LMLN: variants seen among roughly 807,000 people sequenced by gnomAD.
LMLN encodes the protein leishmanolysin like peptidase.
LMLN carries 70 observed loss-of-function variants against 92.3 expected under a neutral mutation model. The observed-to-expected ratio is 0.76, with a 90% CI of 0.63 to 0.92. The LOEUF is 0.92. LMLN is among the 40% of genes least tolerant of loss of function. LMLN has a pLI of 0.00. For synonymous variants in LMLN, 308 were observed against 296.2 expected, an observed-to-expected ratio of 1.04 and a Z score of -0.41; for missense variants, 691 against 814.6, an observed-to-expected ratio of 0.85 and a Z score of 1.85.
At chr3:197,984,635 G>T (rs564055291) in intron 7 of LMLN, among the ~76,000 whole-genome samples, 1 of 151,240 alleles carries the variant, frequency 6.6e-6, no homozygotes, top group Admixed American at 6.6e-5. Context: ...TTTTGATAGA[G>T]ATAAGGTCTC....
rs139538607 is a variant in LMLN at position 198,027,418 on chromosome 3, C to T, written c.1656+2630C>T. 5.9e-4 allele frequency among the ~76,000 whole-genome samples: 90 copies of T among 152,172 alleles called. 1 individual carries two copies. The highest frequency in any genetic ancestry group is 2.1e-3 in the African/African-American group (88 of 41,520). ...AACATTTCCATTTTAACTGTTTTTA[C>T]GTGTATAGTTAAGTGGCACTAAATA... On this transcript the variant is annotated intron_variant, in intron 14 of 15. Coordinates refer to ENST00000330198, the Ensembl canonical transcript of LMLN.
intron 11 of LMLN, among the ~76,000 whole-genome samples, chr3:197,999,998 T>G (rs900436573): frequency 6.6e-6 from 1 of 152,272 alleles, no homozygotes; most frequent in African/African-American, 2.4e-5. Flanking sequence ...AAACAATTTT[T>G]AAATGACTGG....
intron 11 of LMLN, among the ~76,000 whole-genome samples, chr3:198,010,274 C>T (rs1722397443): frequency 6.6e-6 from 1 of 152,134 alleles, no homozygotes; most frequent in Non-Finnish European, 1.5e-5. Flanking sequence ...CCGACTCAGC[C>T]TCCCAAGTAG....
intron 8 of LMLN, among the ~76,000 whole-genome samples, chr3:197,986,810 C>A (rs755300702): frequency 1.3e-5 from 2 of 149,882 alleles, no homozygotes; most frequent in Admixed American, 6.7e-5. Context: ...GTAAACAATT[C>A]TTTTAATGTT....
chr3:197,981,858 G>A (rs1168702035), intron 6 of LMLN, among the ~76,000 whole-genome samples: 1 of 150,824 alleles, frequency 6.6e-6, no homozygotes, highest in Non-Finnish European at 1.5e-5. Context: ...AGGCTGGAGT[G>A]CAGTGGCGTG....
At chr3:198,039,005 C>T (rs1723321220) in exon 16 of LMLN, 1 of 256,680 alleles carries the variant, frequency 3.9e-6, no homozygotes. Flanking sequence ...CAGCCACCTT[C>T]ATCAGCAACC....
intron 6 of LMLN, among the ~76,000 whole-genome samples, chr3:197,983,581 C>T (rs1259196755): frequency 6.6e-6 from 1 of 152,172 alleles, no homozygotes; most frequent in African/African-American, 2.4e-5. Flanking sequence ...TTCCTCTCTA[C>T]CTGCTTGTCT....
chr3:198,033,890 A>G (rs1174176902), intron 14 of LMLN, among the ~76,000 whole-genome samples: 1 of 152,262 alleles, frequency 6.6e-6, no homozygotes. Context: ...ACGGAGTGAC[A>G]GAGAAGAGGT....
chr3:198,030,907 G>T (rs1392257458), intron 14 of LMLN, among the ~76,000 whole-genome samples: 1 of 151,508 alleles, frequency 6.6e-6, no homozygotes, highest in African/African-American at 2.4e-5. Context: ...TCTTCAGCTA[G>T]TTTCCACCGT....
chr3:197,973,530 G>A (rs917151312), intron 1 of LMLN, among the ~76,000 whole-genome samples: 3 of 152,092 alleles, frequency 2.0e-5, no homozygotes, highest in African/African-American at 4.8e-5. Flanking sequence ...GATTACAGGC[G>A]TGAGCCACCG....
intron 14 of LMLN, among the ~76,000 whole-genome samples, chr3:198,034,422 C>G (rs1041474057): frequency 2.0e-4 from 31 of 152,018 alleles, no homozygotes; most frequent in African/African-American, 7.5e-4. Flanking sequence ...CCAGCCTGGC[C>G]AACATGGTGA....
chr3:198,030,010 T>A (rs1723036934), intron 14 of LMLN, among the ~76,000 whole-genome samples: 1 of 151,650 alleles, frequency 6.6e-6, no homozygotes, highest in African/African-American at 2.4e-5. Context: ...GCCTAGCTGT[T>A]TTTTTTTATT....
chr3:198,005,287 A>G lies in LMLN; in HGVS notation c.1232+5945A>G, dbSNP rs549559356. On this transcript the variant is annotated intron_variant, in intron 11 of 15. Transcript: ENST00000330198. ...ACATATCATACGTAGTAAGTTTGAC[A>G]TCTATCTATATATCATCTATACAGA... Among the ~76,000 whole-genome samples the G allele has an allele frequency of 1.7e-4, 25 of 150,598 alleles. No homozygotes were observed. In the South Asian group the frequency reaches 5.3e-3, roughly 32 times the overall value.
chr3:198,030,925 C>G (rs550439003), intron 14 of LMLN, among the ~76,000 whole-genome samples: 1 of 145,056 alleles, frequency 6.9e-6, no homozygotes, highest in East Asian at 2.0e-4. Flanking sequence ...CGTGATGTGA[C>G]GCCTGCTGAC....
At chr3:198,026,644 C>G (rs945626161) in intron 14 of LMLN, among the ~76,000 whole-genome samples, 10 of 152,174 alleles carry the variant, frequency 6.6e-5, no homozygotes, top group African/African-American at 2.2e-4. Flanking sequence ...ATTCTAAGCT[C>G]ACTTTGTTCT....
chr3:198,024,550 CAT>C lies in LMLN; in HGVS notation c.1526-107_1526-106del, dbSNP rs1192257993. The C allele has an allele frequency of 1.0e-4, 109 of 1,038,572 alleles. No individual in the cohort carries two copies. The African/African-American group carries it at 1.6e-3, about 15-fold the overall frequency. The allele number at this position is 1,038,572 out of a possible 1,614,324, so 64.3% of individuals were successfully genotyped here. On this transcript the variant is annotated intron_variant, in intron 13 of 15. Transcript: ENST00000330198. The stretch of plus-strand genomic sequence containing the variant: ...TTTTAAATTTAAAATTTCCATGAAA[CAT>C]GTCTGATTTTTAAAGCAACTTTTAA...
chr3:197,992,944 G>C (rs1335638420), intron 9 of LMLN, among the ~76,000 whole-genome samples: 1 of 152,164 alleles, frequency 6.6e-6, no homozygotes, highest in East Asian at 1.9e-4. Context: ...TCATGATCAA[G>C]TGAGATTTAT....
chr3:198,020,768 ATTTTTTT>A (rs71166715), intron 12 of LMLN, among the ~76,000 whole-genome samples: 1 of 32,860 alleles, frequency 3.0e-5, no homozygotes, highest in Non-Finnish European at 5.4e-5. Context: ...TAATTTTTGT[ATTTTTTT>A]TTTTTTTTTT....
At chr3:198,015,161 T>C (rs1722592542) in intron 11 of LMLN, among the ~76,000 whole-genome samples, 3 of 143,180 alleles carry the variant, frequency 2.1e-5, no homozygotes, top group African/African-American at 8.0e-5. Flanking sequence ...GTCTGACTTC[T>C]CTCCACCCTT....
Sources: gnomAD v4.1 joint callset for allele counts (sites outside exome capture counted in the v4.1 genomes callset) on GRCh38, gnomAD v4.1.1 for gene constraint, MANE v1.5 for transcripts, NCBI Gene and HGNC (gene_info 2026-07-23, HGNC 2026-07-21) for gene names.